Variants in LHFPL6 observed in about 807,000 individuals in gnomAD.
LHFPL6 encodes the protein LHFPL tetraspan subfamily member 6.
LHFPL6 carries 9 observed loss-of-function variants against 20.6 expected under a neutral mutation model. The ratio of observed to expected loss-of-function variants is 0.44; its 90% CI spans 0.26 to 0.76. The LOEUF (loss-of-function observed/expected upper bound fraction) is 0.76, where lower values mean the gene tolerates loss of function less well. Ranked by LOEUF, LHFPL6 falls within the 30% of genes least tolerant of loss-of-function variation. LHFPL6 has a pLI of 0.20. For missense variants in LHFPL6, 218 were observed against 253.5 expected (o/e 0.86, Z 0.95); for synonymous variants, 105 against 98.7 (o/e 1.06, Z -0.38).
rs1873013058 is a variant in LHFPL6, at chr13:39,602,912, C to T, written c.-204G>A. On this transcript the variant is annotated 5_prime_UTR_variant, in exon 1 of 4. Transcript: ENST00000379589. Reference sequence around the variant, plus strand: ...CTGGCGGGCGGCGGCCACCTTCCCTCCCGCGTCCCGGGCGCACACACAACT... The same window carrying T: ...CTGGCGGGCGGCGGCCACCTTCCCTTCCGCGTCCCGGGCGCACACACAACT... 1 of 152,568 alleles carries T rather than the reference C, an allele frequency of 6.6e-6. No individual in the cohort carries two copies. The highest frequency in any genetic ancestry group is 1.5e-5 in the Non-Finnish European group (1 of 68,376). 9.5% of individuals were successfully genotyped at this position (152,568 alleles called of 1,614,324 possible). A position where few individuals can be genotyped will look rare whatever the true frequency, so the allele number is the denominator to read the frequency against.
chr13:39,598,929 C>A (rs1197620307), intron 2 of LHFPL6, among the ~76,000 whole-genome samples: 3 of 152,090 alleles, frequency 2.0e-5, no homozygotes, highest in Non-Finnish European at 4.4e-5. Flanking sequence ...ATGAAAAGTA[C>A]TCACAAAGAA....
intron 2 of LHFPL6, among the ~76,000 whole-genome samples, chr13:39,420,571 A>T (rs570678116): frequency 8.4e-4 from 128 of 152,310 alleles, no homozygotes; most frequent in Non-Finnish European, 1.5e-3. Context: ...TACTGAAGGA[A>T]GTGGGGTTTG....
intron 2 of LHFPL6, among the ~76,000 whole-genome samples, chr13:39,421,401 T>C (rs1396185503): frequency 1.3e-5 from 2 of 152,142 alleles, no homozygotes; most frequent in African/African-American, 2.4e-5. Context: ...AACACACACA[T>C]ACTGTGATGA....
At chr13:39,567,153 A>T (rs1221223347) in intron 2 of LHFPL6, among the ~76,000 whole-genome samples, 1 of 152,152 alleles carries the variant, frequency 6.6e-6, no homozygotes, top group Admixed American at 6.5e-5. Context: ...AAGACTCCAA[A>T]GTTCAGGCAC....
chr13:39,392,957 T>G (rs1005298473), intron 2 of LHFPL6, among the ~76,000 whole-genome samples: 2 of 152,164 alleles, frequency 1.3e-5, no homozygotes, highest in Non-Finnish European at 2.9e-5. Flanking sequence ...CAAACTTCTT[T>G]TCCTTGTTAT....
intron 2 of LHFPL6, among the ~76,000 whole-genome samples, chr13:39,560,812 G>A (rs1400825796): frequency 6.6e-6 from 1 of 152,088 alleles, no homozygotes; most frequent in East Asian, 1.9e-4. Context: ...ACCGCGCCCT[G>A]CTGGGTTATG....
chr13:39,345,534 A>G lies in LHFPL6; in HGVS notation c.485-1480T>C, dbSNP rs923434296. Among the ~76,000 whole-genome samples, 679 of 140,158 alleles carry G rather than the reference A, an allele frequency of 4.8e-3. 21 individuals carry two copies. Among genetic ancestry groups the G allele is most frequent in the African/African-American group, 0.017 (648 of 37,704 alleles). 91.9% of individuals were successfully genotyped at this position (140,158 alleles called of 152,430 possible). A position where few individuals can be genotyped will look rare whatever the true frequency, so the allele number is the denominator to read the frequency against. On this transcript the variant is annotated intron_variant, in intron 3 of 3. Coordinates refer to ENST00000379589, the MANE Select transcript of LHFPL6 (RefSeq NM_005780.3). The stretch of plus-strand genomic sequence containing the variant: ...TCTCAAAAAAAAAAAAAAAAAAAAA[A>G]AAAAAAGAAAGAAAATCACATCCCT...
chr13:39,352,320 C>T (rs1322789192), intron 3 of LHFPL6, among the ~76,000 whole-genome samples: 5 of 152,212 alleles, frequency 3.3e-5, no homozygotes, highest in African/African-American at 9.6e-5. Flanking sequence ...CACTTTAGTT[C>T]CACTCCAGAG....
intron 3 of LHFPL6, among the ~76,000 whole-genome samples, chr13:39,349,237 G>T (rs1869494437): frequency 6.6e-6 from 1 of 152,116 alleles, no homozygotes; most frequent in African/African-American, 2.4e-5. Flanking sequence ...ATATGAATTT[G>T]TTCTAGTATT....
chr13:39,378,402 G>A, intron 3 of LHFPL6, 26 bp downstream of exon 3: 1 of 1,574,702 alleles, frequency 6.4e-7, no homozygotes, highest in Non-Finnish European at 8.7e-7. Context: ...TTTCTAAAAG[G>A]AGTGCCATCC....
At chr13:39,569,148 T>TGGATGGACGGACGGACGGAC (rs71080313) in intron 2 of LHFPL6, among the ~76,000 whole-genome samples, 41,274 of 144,374 alleles carry the variant, frequency 0.29, 7,184 homozygotes, top group Non-Finnish European at 0.39. Context: ...GATGGATGGA[T>TGGATGGACGGACGGACGGAC]GGACGGACGG....
At chr13:39,413,434 A>G (rs1309125912) in intron 2 of LHFPL6, among the ~76,000 whole-genome samples, 1 of 117,770 alleles carries the variant, frequency 8.5e-6, no homozygotes, top group Admixed American at 9.0e-5. Context: ...ACTACTCAGG[A>G]TTTTTTTTTT....
intron 3 of LHFPL6, among the ~76,000 whole-genome samples, chr13:39,365,469 T>A (rs558089051): frequency 1.3e-4 from 20 of 152,194 alleles, no homozygotes; most frequent in South Asian, 1.0e-3. Flanking sequence ...GTACAGTAGC[T>A]CTTGGGAACG....
intron 2 of LHFPL6, among the ~76,000 whole-genome samples, chr13:39,432,147 C>T (rs9603539): frequency 0.029 from 4,401 of 152,210 alleles, 157 homozygotes; most frequent in East Asian, 0.13. Flanking sequence ...AACCTGCCAG[C>T]GCCTTGATTT....
chr13:39,384,435 A>G (rs1870514253), intron 2 of LHFPL6, among the ~76,000 whole-genome samples: 1 of 152,228 alleles, frequency 6.6e-6, no homozygotes, highest in Non-Finnish European at 1.5e-5. Flanking sequence ...ACTATTTTGT[A>G]AAGTAGAGGC....
intron 2 of LHFPL6, among the ~76,000 whole-genome samples, chr13:39,499,752 A>C (rs989380862): frequency 2.0e-5 from 3 of 152,210 alleles, no homozygotes; most frequent in South Asian, 2.1e-4. Context: ...AGACCCATAA[A>C]TCGTGACTTT....
chr13:39,598,189 A>C (rs539622097), intron 2 of LHFPL6, among the ~76,000 whole-genome samples: 1 of 152,372 alleles, frequency 6.6e-6, no homozygotes, highest in East Asian at 1.9e-4. Flanking sequence ...TCATAGGAAA[A>C]ATTTATTGAA....
At chr13:39,587,090 G>C (rs1872471667) in intron 2 of LHFPL6, among the ~76,000 whole-genome samples, 1 of 151,832 alleles carries the variant, frequency 6.6e-6, no homozygotes, top group African/African-American at 2.4e-5. Flanking sequence ...CCAGGTGGCA[G>C]AGGTTGCAGT....
intron 2 of LHFPL6, among the ~76,000 whole-genome samples, chr13:39,486,655 C>A (rs770294970): frequency 6.6e-6 from 1 of 152,170 alleles, no homozygotes; most frequent in African/African-American, 2.4e-5. Context: ...GTAGAAGAGG[C>A]ATTGCAACCT....
Sources: gnomAD v4.1 joint callset for allele counts (sites outside exome capture counted in the v4.1 genomes callset) on GRCh38, gnomAD v4.1.1 for gene constraint, MANE v1.5 for transcripts, NCBI Gene and HGNC (gene_info 2026-07-23, HGNC 2026-07-21) for gene names.